The following CLEC16A variants were observed in gnomAD, a reference collection of about 807,000 sequenced individuals.
CLEC16A encodes protein CLEC16A.
Under a neutral mutation model 109.5 loss-of-function variants are expected in CLEC16A, and 51 were observed. The observed-to-expected ratio is 0.47, with a 90% CI of 0.37 to 0.59. CLEC16A has a LOEUF of 0.59. CLEC16A is among the 20% of genes least tolerant of loss of function. The pLI is 0.00. For missense variants in CLEC16A, 1,339 were observed against 1,394.0 expected (o/e 0.96, Z 0.63); for synonymous variants, 673 against 564.2 (o/e 1.19, Z -2.73).
At chr16:11,155,278 G>A (rs1207625467) in intron 22 of CLEC16A, among the ~76,000 whole-genome samples, 1 of 152,206 alleles carries the variant, frequency 6.6e-6, no homozygotes, top group Non-Finnish European at 1.5e-5. Flanking sequence ...AGGTGTGGTG[G>A]TGTCACTCTG....
At chr16:11,148,461 G>C (rs1342327408) in intron 22 of CLEC16A, among the ~76,000 whole-genome samples, 1 of 152,146 alleles carries the variant, frequency 6.6e-6, no homozygotes, top group East Asian at 1.9e-4. Flanking sequence ...CAGACACTGT[G>C]CCAAGCAAGG....
intron 3 of CLEC16A, among the ~76,000 whole-genome samples, chr16:10,967,983 C>T (rs1272463512): frequency 6.6e-6 from 1 of 152,272 alleles, no homozygotes; most frequent in Non-Finnish European, 1.5e-5. Context: ...CTGACAAGCT[C>T]CGGGGTTGCT....
chr16:10,978,972 C>G (rs940937562), intron 8 of CLEC16A, among the ~76,000 whole-genome samples: 8 of 152,080 alleles, frequency 5.3e-5, no homozygotes. Flanking sequence ...TTGAAAATAA[C>G]TTCCCAAGAA....
chr16:11,151,833 G>A (rs545144051), intron 22 of CLEC16A, among the ~76,000 whole-genome samples: 19 of 152,324 alleles, frequency 1.2e-4, no homozygotes, highest in East Asian at 3.9e-4. Flanking sequence ...GGCGGGGGCC[G>A]GCTGGGGAAG....
At chr16:10,979,263 G>C in intron 8 of CLEC16A, 66 bp from the exon 9 acceptor site, 1 of 1,463,446 alleles carries the variant, frequency 6.8e-7, no homozygotes, top group Non-Finnish European at 9.4e-7. Flanking sequence ...TTTTGGCTTT[G>C]TGTATTTTGT....
At chr16:11,019,146 A>G (rs2045942227) in intron 11 of CLEC16A, among the ~76,000 whole-genome samples, 1 of 152,118 alleles carries the variant, frequency 6.6e-6, no homozygotes, top group South Asian at 2.1e-4. Context: ...AACCCCCTGT[A>G]TGTCTCCCGA....
rs79397214 is a variant in CLEC16A at position 11,144,100 on chromosome 16, C to T, written c.2641+17954C>T. On this transcript the variant is annotated intron_variant, in intron 22 of 23. Transcript: ENST00000409790. ...TTGAGAGTGCCTCCTAGCCCTGTCG[C>T]TCGGCACTTTCTCAGAATACTACTA... Among the ~76,000 whole-genome samples, 76 of 152,308 alleles carry T rather than the reference C, an allele frequency of 5.0e-4. No individual in the cohort carries two copies. In the East Asian group the frequency reaches 0.013, roughly 27 times the overall value.
intron 19 of CLEC16A, among the ~76,000 whole-genome samples, chr16:11,097,417 A>G (rs1421173534): frequency 2.0e-5 from 3 of 152,078 alleles, no homozygotes; most frequent in Non-Finnish European, 2.9e-5. Context: ...TAATATTTCC[A>G]TTGTGTGTGT....
intron 19 of CLEC16A, among the ~76,000 whole-genome samples, chr16:11,080,925 C>A (rs2152944706): frequency 6.6e-6 from 1 of 152,362 alleles, no homozygotes; most frequent in East Asian, 1.9e-4. Flanking sequence ...TGTAAGGTAG[C>A]ATGTTCACAG....
intron 13 of CLEC16A, chr16:11,036,148 A>C (rs1277059318): frequency 6.6e-6 from 1 of 152,522 alleles, no homozygotes; most frequent in Non-Finnish European, 1.5e-5. Context: ...AGTCAGGGGA[A>C]TGGAACCACC....
chr16:11,157,827 G>C (rs548509558), intron 22 of CLEC16A, among the ~76,000 whole-genome samples: 9 of 152,232 alleles, frequency 5.9e-5, no homozygotes, highest in African/African-American at 2.2e-4. Context: ...TCTTCCTAAG[G>C]TGGCTTTCCT....
rs532761502 is a variant in CLEC16A at position 11,054,392 on chromosome 16, G to A, written c.1995+2751G>A. The stretch of plus-strand genomic sequence containing the variant: ...CGGCAGCAAGCCAATGGCAGGTCTC[G>A]ATGATAGTCTTTTTGCCCCTCACAT... On this transcript the variant is annotated intron_variant, in intron 18 of 23. Coordinates refer to ENST00000409790, the MANE Select transcript of CLEC16A (RefSeq NM_015226.3). Among the ~76,000 whole-genome samples the A allele has an allele frequency of 1.2e-3, 176 of 152,348 alleles. 1 individual carries two copies. The highest frequency in any genetic ancestry group is 2.1e-3 in the South Asian group (10 of 4,832).
At chr16:11,030,972 T>G (rs72770091) in intron 13 of CLEC16A, among the ~76,000 whole-genome samples, 1 of 152,210 alleles carries the variant, frequency 6.6e-6, no homozygotes, top group Admixed American at 6.5e-5. Context: ...CCCCCAAGTC[T>G]GTGGCATGTC....
intron 5 of CLEC16A, chr16:10,971,497 GTGGCTA>G: frequency 1.0e-6 from 1 of 966,846 alleles, no homozygotes; most frequent in Non-Finnish European, 1.2e-6. Flanking sequence ...GGGATTCAGA[GTGGCTA>G]TGTTTTAGAA....
intron 13 of CLEC16A, among the ~76,000 whole-genome samples, chr16:11,030,629 C>T (rs190942233): frequency 1.3e-5 from 2 of 152,084 alleles, no homozygotes; most frequent in Non-Finnish European, 2.9e-5. Flanking sequence ...TATTGTGTTT[C>T]GAGACTTTTG....
chr16:11,116,317 C>A (rs1241588720), intron 19 of CLEC16A, among the ~76,000 whole-genome samples: 2 of 151,932 alleles, frequency 1.3e-5, no homozygotes, highest in African/African-American at 4.8e-5. Context: ...ATCACTTGAA[C>A]CCAGGAGGCA....
At chr16:11,034,489 G>A (rs1390377942) in intron 13 of CLEC16A, among the ~76,000 whole-genome samples, 3 of 152,164 alleles carry the variant, frequency 2.0e-5, no homozygotes. Flanking sequence ...AACTGAGAGG[G>A]AAGCTTAGTA....
At chr16:10,948,104 A>AG (rs930194122) in intron 1 of CLEC16A, among the ~76,000 whole-genome samples, 7 of 152,250 alleles carry the variant, frequency 4.6e-5, no homozygotes, top group African/African-American at 1.7e-4. Flanking sequence ...CGTGTTAGCC[A>AG]GGATGGTCTC....
chr16:10,967,722 G>A (rs533717781), intron 3 of CLEC16A, among the ~76,000 whole-genome samples: 8 of 152,336 alleles, frequency 5.3e-5, no homozygotes, highest in Middle Eastern at 3.4e-3. Context: ...ACTTCATGAG[G>A]AAGTTTTGGC....
Sources: allele counts gnomAD v4.1 joint callset (sites outside exome capture counted in the v4.1 genomes callset), GRCh38; gene constraint gnomAD v4.1.1; transcripts MANE v1.5; gene names NCBI Gene and HGNC (gene_info 2026-07-23, HGNC 2026-07-21).